The following ANKS1A variants were observed in gnomAD, a reference collection of about 807,000 sequenced individuals.
The protein encoded by ANKS1A is ankyrin repeat and sterile alpha motif domain containing 1A.
A neutral mutation model predicts 120.3 loss-of-function variants in ANKS1A; 55 were observed. The ratio of observed to expected loss-of-function variants is 0.46; its 90% CI spans 0.37 to 0.57. The LOEUF is 0.57. Ranked by LOEUF, ANKS1A falls within the 20% of genes least tolerant of loss-of-function variation. The pLI is 0.00. For missense variants in ANKS1A, 1,123 were observed against 1,480.3 expected (o/e 0.76, Z 3.96); for synonymous variants, 590 against 604.7 (o/e 0.98, Z 0.36).
chr6:35,038,693 C>T (rs1775305758), intron 11 of ANKS1A, among the ~76,000 whole-genome samples: 1 of 152,018 alleles, frequency 6.6e-6, no homozygotes, highest in South Asian at 2.1e-4. Flanking sequence ...GCTGTATTGC[C>T]CAGGCTGGTC....
chr6:35,083,023 G>C (rs1266431960), intron 18 of ANKS1A, 132 bp from the exon 19 acceptor site: 13 of 1,303,566 alleles, frequency 1.0e-5, no homozygotes, highest in African/African-American at 1.5e-5. Context: ...GGTCTCTCCA[G>C]CTGGGGCAGG....
chr6:35,012,918 G>A (rs1012218648), intron 10 of ANKS1A, among the ~76,000 whole-genome samples: 1 of 152,154 alleles, frequency 6.6e-6, no homozygotes, highest in South Asian at 2.1e-4. Flanking sequence ...AGAGCTCGGG[G>A]AACATGGGAA....
At chr6:34,949,272 A>G (rs1021788255) in intron 1 of ANKS1A, among the ~76,000 whole-genome samples, 1 of 152,184 alleles carries the variant, frequency 6.6e-6, no homozygotes, top group Non-Finnish European at 1.5e-5. Flanking sequence ...CAAGAGATGG[A>G]TGGTGCATAG....
chr6:34,941,441 A>AT (rs974173223), intron 1 of ANKS1A, among the ~76,000 whole-genome samples: 20 of 147,356 alleles, frequency 1.4e-4, no homozygotes, highest in African/African-American at 4.0e-4. Flanking sequence ...ATTATTTTTT[A>AT]TTTTTTTATA....
At chr6:34,956,087 G>A (rs847845) in intron 1 of ANKS1A, among the ~76,000 whole-genome samples, 35,829 of 151,586 alleles carry the variant, frequency 0.24, 6,014 homozygotes, top group African/African-American at 0.47. Flanking sequence ...CTTGGTCCTC[G>A]AATTTTATCT....
intron 2 of ANKS1A, among the ~76,000 whole-genome samples, chr6:34,968,484 C>G (rs1308068313): frequency 1.3e-5 from 2 of 152,194 alleles, no homozygotes; most frequent in African/African-American, 4.8e-5. Flanking sequence ...GTTGCCCAGG[C>G]TGGAGTGCAG....
rs1397757575 is a variant in ANKS1A, at chr6:34,983,393, C to G, written c.980C>G (p.Ser327Cys). The G allele has an allele frequency of 6.2e-7, 1 of 1,614,030 alleles. No individual in the cohort carries two copies. Among genetic ancestry groups the G allele is most frequent in the East Asian group, 2.2e-5 (1 of 44,878 alleles). The part of the protein sequence containing the change: ...KTPPPQPPLI[S>C]SMDSISQKSQ... ...CCCCCACCCCAGCCACCTCTCATCT[C>G]CAGTATGGACTCCATATCACAGAAG... The change falls in exon 7 of 24, where the codon TCC becomes TGC. Residue 327 changes from serine (S) to cysteine (C), a missense_variant. Coordinates refer to ENST00000360359, the MANE Select transcript of ANKS1A (RefSeq NM_015245.3).
intron 1 of ANKS1A, among the ~76,000 whole-genome samples, chr6:34,960,930 G>T (rs1444021329): frequency 6.6e-6 from 1 of 152,182 alleles, no homozygotes; most frequent in African/African-American, 2.4e-5. Context: ...GACAAGTGGC[G>T]GAGGCGAGTT....
At chr6:35,049,905 CA>C (rs1775889884) in intron 11 of ANKS1A, among the ~76,000 whole-genome samples, 1 of 152,176 alleles carries the variant, frequency 6.6e-6, no homozygotes, top group South Asian at 2.1e-4. Flanking sequence ...CGCCTGTGCC[CA>C]ACACACTTCC....
At chr6:35,093,955 G>A (rs974049265), downstream of ANKS1A, among the ~76,000 whole-genome samples, 7 of 152,172 alleles carry the variant, frequency 4.6e-5, no homozygotes, top group Admixed American at 3.3e-4. Flanking sequence ...GCTCACCAGC[G>A]CCCAGTGATT....
intron 12 of ANKS1A, among the ~76,000 whole-genome samples, chr6:35,056,629 T>G (rs986840840): frequency 2.6e-5 from 4 of 152,166 alleles, no homozygotes; most frequent in Non-Finnish European, 5.9e-5. Flanking sequence ...ATATGAGTGT[T>G]GAGAGGCAGT....
intron 13 of ANKS1A, among the ~76,000 whole-genome samples, chr6:35,067,932 C>G (rs1345986261): frequency 6.0e-5 from 9 of 149,950 alleles, no homozygotes; most frequent in Non-Finnish European, 1.3e-4. Context: ...CCCTTTCCCC[C>G]AGGCTGGAGT....
chr6:35,059,009 T>C (rs1406318535), intron 12 of ANKS1A, among the ~76,000 whole-genome samples: 2 of 152,230 alleles, frequency 1.3e-5, no homozygotes, highest in South Asian at 2.1e-4. Context: ...AGGACGTGAA[T>C]AGACTTAAGC....
chr6:34,971,982 CCTT>C (rs1341420974), intron 3 of ANKS1A, among the ~76,000 whole-genome samples: 1 of 152,198 alleles, frequency 6.6e-6, no homozygotes, highest in African/African-American at 2.4e-5. Context: ...CAATTTTACT[CCTT>C]CTAGCTAAAG....
At chr6:34,978,745 C>T (rs367966872) in intron 3 of ANKS1A, among the ~76,000 whole-genome samples, 34 of 132,660 alleles carry the variant, frequency 2.6e-4, no homozygotes, top group African/African-American at 5.1e-4. Context: ...GCGGAGGTTG[C>T]GGTGAGCCGA....
rs530605297 is a variant in ANKS1A at position 35,009,902 on chromosome 6, T to TA, written c.1424-7539dup. 689 of 78,428 alleles carry TA rather than the reference T, an allele frequency of 8.8e-3. 76 individuals carry two copies. The highest frequency in any genetic ancestry group is 0.035 in the African/African-American group (334 of 9,608). The allele number at this position is 78,428 out of a possible 1,614,324, so 4.9% of individuals were successfully genotyped here. On this transcript the variant is annotated intron_variant, in intron 10 of 23. Coordinates refer to ENST00000360359, the MANE Select transcript of ANKS1A (RefSeq NM_015245.3). ...TGGGTGACACGAGCAAGACTCTGTC[T>TA]AAAAAAAAAAAAAAAAAAAAAAAAA... is the stretch of plus-strand genomic sequence containing the variant.
chr6:35,087,009 G>A lies in ANKS1A; in HGVS notation c.3361G>A (p.Val1121Met). 4 of 1,614,164 alleles carry A rather than the reference G, an allele frequency of 2.5e-6. No individual in the cohort carries two copies. The highest frequency in any genetic ancestry group is 3.4e-6 in the Non-Finnish European group (4 of 1,180,006). The change falls in exon 23 of 24, where the codon GTG becomes ATG. Residue 1121 changes from valine (V) to methionine (M), a missense_variant. Val to Met is a conservative substitution (Grantham distance 21, BLOSUM62 1). Coordinates refer to ENST00000360359, the MANE Select transcript of ANKS1A (RefSeq NM_015245.3). ...AQSHASVSWV[V>M]DPKPDSKRSL... ...ATCCCATGCCAGTGTCTCCTGGGTT[G>A]TGGACCCCAAACCAGACTCTAAGCG... is the stretch of plus-strand genomic sequence containing the variant.
At chr6:34,993,034 A>T (rs9380478) in intron 9 of ANKS1A, among the ~76,000 whole-genome samples, 18,922 of 152,176 alleles carry the variant, frequency 0.12, 1,333 homozygotes, top group East Asian at 0.34. Flanking sequence ...GGGTAGCATT[A>T]TTTGTTAGAT....
In ANKS1A at chr6:35,089,895, A is replaced by G. The variant is rs776977050; in HGVS notation, c.*1286A>G. The G allele has an allele frequency of 4.5e-5, 51 of 1,133,522 alleles. No individual in the cohort carries two copies. The highest frequency in any genetic ancestry group is 5.6e-5 in the Non-Finnish European group (51 of 913,654). 70.2% of individuals were successfully genotyped at this position (1,133,522 alleles called of 1,614,324 possible). A position where few individuals can be genotyped will look rare whatever the true frequency, so the allele number is the denominator to read the frequency against. On this transcript the variant is annotated 3_prime_UTR_variant, in exon 24 of 24. Transcript: ENST00000360359. ...CTCCGAGCTTTCCTGGCATAGGTCA[A>G]TCAGGTCCCAGGATGAATAATCCAG... is the stretch of plus-strand genomic sequence containing the variant.
Sources: allele counts gnomAD v4.1 joint callset (sites outside exome capture counted in the v4.1 genomes callset), GRCh38; gene constraint gnomAD v4.1.1; transcripts MANE v1.5; gene names NCBI Gene and HGNC (gene_info 2026-07-23, HGNC 2026-07-21).